Variants in TRPC6 observed in about 807,000 individuals in gnomAD.
TRPC6 encodes the protein transient receptor potential cation channel subfamily C member 6.
TRPC6 carries 55 observed loss-of-function variants against 90.7 expected under a neutral mutation model. The ratio of observed to expected loss-of-function variants is 0.61; its 90% CI spans 0.49 to 0.76. The LOEUF (loss-of-function observed/expected upper bound fraction) is 0.76, where lower values mean the gene tolerates loss of function less well. TRPC6 is among the 30% of genes least tolerant of loss of function. The pLI is 0.00. For synonymous variants in TRPC6, 393 were observed against 393.0 expected, an observed-to-expected ratio of 1.00 and a Z score of 0.00; for missense variants, 989 against 1,122.7, an observed-to-expected ratio of 0.88 and a Z score of 1.70.
chr11:101,542,420 A>C (rs1236146509), intron 1 of TRPC6, among the ~76,000 whole-genome samples: 4 of 152,214 alleles, frequency 2.6e-5, no homozygotes, highest in African/African-American at 9.6e-5. Flanking sequence ...TTTGTTAGGT[A>C]GTTTTGCAAG....
At position 101,519,814 on chromosome 11, in the gene TRPC6, A is replaced by G. The variant is rs531150874; in HGVS notation, c.171-15016T>C. On this transcript the variant is annotated intron_variant, in intron 1 of 12. Coordinates refer to ENST00000344327, the MANE Select transcript of TRPC6 (RefSeq NM_004621.6). Reference sequence around the variant, plus strand: ...GACCTGAAAGGCCTGGCACAATCTGATCTTTACTGAGTGAGGGGGTCAGAG... The same window carrying G: ...GACCTGAAAGGCCTGGCACAATCTGGTCTTTACTGAGTGAGGGGGTCAGAG... 15 of 153,728 alleles carry G rather than the reference A, an allele frequency of 9.8e-5. No homozygotes were observed. In the South Asian group the frequency reaches 1.7e-3, roughly 17 times the overall value. 9.5% of individuals were successfully genotyped at this position (153,728 alleles called of 1,614,324 possible).
At chr11:101,498,500 C>T (rs1408712715) in intron 2 of TRPC6, among the ~76,000 whole-genome samples, 1 of 152,076 alleles carries the variant, frequency 6.6e-6, no homozygotes, top group Non-Finnish European at 1.5e-5. Flanking sequence ...AGTAACAAAA[C>T]ACTTAGGCCT....
intron 1 of TRPC6, among the ~76,000 whole-genome samples, chr11:101,570,357 G>A (rs1205224964): frequency 6.6e-6 from 1 of 152,172 alleles, no homozygotes; most frequent in Non-Finnish European, 1.5e-5. Context: ...CCAATAACAA[G>A]TTCTGAAAAT....
At chr11:101,514,781 C>T (rs554557171) in intron 1 of TRPC6, among the ~76,000 whole-genome samples, 21 of 152,254 alleles carry the variant, frequency 1.4e-4, no homozygotes, top group South Asian at 6.2e-4. Flanking sequence ...AGGTTTTGTT[C>T]TGAAGGGTTT....
chr11:101,476,932 A>G (rs781112393), intron 5 of TRPC6, among the ~76,000 whole-genome samples: 1 of 152,158 alleles, frequency 6.6e-6, no homozygotes, highest in Non-Finnish European at 1.5e-5. Flanking sequence ...TATTTTATTA[A>G]TTACCATGGG....
chr11:101,553,651 C>T (rs1046879273), intron 1 of TRPC6, among the ~76,000 whole-genome samples: 2 of 152,118 alleles, frequency 1.3e-5, no homozygotes, highest in Non-Finnish European at 2.9e-5. Context: ...TCTCAACCAG[C>T]TCACCTACTG....
intron 1 of TRPC6, among the ~76,000 whole-genome samples, chr11:101,506,975 AC>A (rs1425022414): frequency 6.7e-6 from 1 of 149,874 alleles, no homozygotes; most frequent in Non-Finnish European, 1.5e-5. Flanking sequence ...TTCCCATTAC[AC>A]CATACCTTCA....
chr11:101,531,475 T>C (rs919620241), intron 1 of TRPC6, among the ~76,000 whole-genome samples: 52 of 152,336 alleles, frequency 3.4e-4, no homozygotes, highest in Admixed American at 3.3e-3. Context: ...TTGCTTTTTC[T>C]AGATAGGAAA....
chr11:101,495,095 A>C (rs1161078522), intron 2 of TRPC6, among the ~76,000 whole-genome samples: 1 of 152,214 alleles, frequency 6.6e-6, no homozygotes, highest in Non-Finnish European at 1.5e-5. Context: ...TCTTTGGATC[A>C]CACACCTACA....
intron 10 of TRPC6, among the ~76,000 whole-genome samples, chr11:101,463,965 A>T (rs1859071978): frequency 6.6e-6 from 1 of 152,184 alleles, no homozygotes. Context: ...TTCCCTCTAA[A>T]CACTGTTTTA....
rs147153289 is a variant in TRPC6 at position 101,568,508 on chromosome 11, G to A, written c.170+14826C>T. The stretch of plus-strand genomic sequence containing the variant: ...CCAACATTCAAATTCAGGAAATACA[G>A]AGAATACCACAAAGGTATTCCTCAA... On this transcript the variant is annotated intron_variant, in intron 1 of 12. Transcript: ENST00000344327. Among the ~76,000 whole-genome samples, 685 of 152,218 alleles carry A rather than the reference G, an allele frequency of 4.5e-3. 6 individuals are homozygous for A. The highest frequency in any genetic ancestry group is 0.016 in the African/African-American group (670 of 41,534).
chr11:101,509,712 G>A (rs1347593388), intron 1 of TRPC6, among the ~76,000 whole-genome samples: 16 of 151,840 alleles, frequency 1.1e-4, no homozygotes, highest in South Asian at 2.1e-4. Flanking sequence ...AGATATTTCC[G>A]TAGAATTTTT....
At chr11:101,472,102 A>G in intron 8 of TRPC6, 35 bp downstream of exon 8, 2 of 1,599,556 alleles carry the variant, frequency 1.3e-6, no homozygotes, top group Non-Finnish European at 1.7e-6. Context: ...TTAAAACATG[A>G]AGGCACAAAT....
In TRPC6 at chr11:101,473,415, C is replaced by T. The variant is rs902703209; in HGVS notation, c.2009+94G>A. The T allele has an allele frequency of 1.8e-5, 26 of 1,450,982 alleles. No individual in the cohort carries two copies. The East Asian group carries it at 3.6e-4, about 20-fold the overall frequency. The allele number at this position is 1,450,982 out of a possible 1,614,324, so 89.9% of individuals were successfully genotyped here. ...ACAGGAACTAGAGATGAAGTCTTTA[C>T]CAAAACATTATCCCATGGACTTACA... On this transcript the variant is annotated intron_variant, in intron 7 of 12. Transcript: ENST00000344327.
intron 10 of TRPC6, among the ~76,000 whole-genome samples, chr11:101,459,986 C>T (rs1395498191): frequency 6.6e-6 from 1 of 152,086 alleles, no homozygotes; most frequent in Non-Finnish European, 1.5e-5. Flanking sequence ...AACTAAGGTT[C>T]AGAGAAGTTA....
chr11:101,465,474 C>G (rs1440667786), intron 10 of TRPC6, among the ~76,000 whole-genome samples: 1 of 152,038 alleles, frequency 6.6e-6, no homozygotes, highest in African/African-American at 2.4e-5. Flanking sequence ...TTCTTGGAGG[C>G]TTTGTTCATT....
intron 3 of TRPC6, among the ~76,000 whole-genome samples, chr11:101,489,324 A>T (rs1033406973): frequency 2.0e-5 from 3 of 152,250 alleles, no homozygotes; most frequent in African/African-American, 7.2e-5. Flanking sequence ...TTCCTTTATG[A>T]CAAACAAGCT....
chr11:101,459,721 T>G (rs1457033442), intron 10 of TRPC6, among the ~76,000 whole-genome samples: 2 of 152,196 alleles, frequency 1.3e-5, no homozygotes, highest in African/African-American at 4.8e-5. Flanking sequence ...GTCCAGTGAC[T>G]TATTATACAT....
chr11:101,473,204 G>A (rs1859333858), intron 7 of TRPC6, among the ~76,000 whole-genome samples: 1 of 152,170 alleles, frequency 6.6e-6, no homozygotes, highest in East Asian at 1.9e-4. Flanking sequence ...ACACAGCTAT[G>A]GAATATTCAG....
Sources: gnomAD v4.1 joint callset for allele counts (sites outside exome capture counted in the v4.1 genomes callset) on GRCh38, gnomAD v4.1.1 for gene constraint, MANE v1.5 for transcripts, NCBI Gene and HGNC (gene_info 2026-07-23, HGNC 2026-07-21) for gene names.